The following CEP192 variants were observed in gnomAD, a reference collection of about 807,000 sequenced individuals.
The protein encoded by CEP192 is centrosomal protein 192, also known as centrosomal protein of 192 kDa.
Under a neutral mutation model 271.8 loss-of-function variants are expected in CEP192, and 151 were observed. The ratio of observed to expected loss-of-function variants is 0.56; its 90% CI spans 0.49 to 0.64. The LOEUF is 0.64. CEP192 is among the 30% of genes least tolerant of loss of function. The probability of loss-of-function intolerance (pLI) is 0.00; values close to 1 mark genes in which losing one functional copy is unlikely to be tolerated. For missense variants in CEP192, 2,910 were observed against 3,020.5 expected (o/e 0.96, Z 0.86); for synonymous variants, 995 against 1,076.5 (o/e 0.92, Z 1.48).
At chr18:13,084,785 C>T (rs1054781884) in intron 30 of CEP192, among the ~76,000 whole-genome samples, 8 of 151,944 alleles carry the variant, frequency 5.3e-5, no homozygotes, top group African/African-American at 4.8e-5. Flanking sequence ...GCCATTCTCA[C>T]GCATGAGATG....
intron 30 of CEP192, among the ~76,000 whole-genome samples, chr18:13,080,814 C>A (rs1461207543): frequency 6.6e-6 from 1 of 152,150 alleles, no homozygotes; most frequent in Non-Finnish European, 1.5e-5. Flanking sequence ...TATATTCCAT[C>A]AATACCTAGT....
intron 11 of CEP192, among the ~76,000 whole-genome samples, chr18:13,035,465 T>G (rs2035867576): frequency 6.6e-6 from 1 of 152,090 alleles, no homozygotes; most frequent in African/African-American, 2.4e-5. Flanking sequence ...GATAAACCCA[T>G]CAGATCTCGT....
chr18:13,000,273 A>G (rs2033559783), intron 2 of CEP192: 1 of 151,716 alleles, frequency 6.6e-6, no homozygotes. Flanking sequence ...GCTCTTTTTT[A>G]ATACACTGGT....
At chr18:12,994,490 A>ATAGTT (rs2033089586) in intron 1 of CEP192, among the ~76,000 whole-genome samples, 2 of 152,104 alleles carry the variant, frequency 1.3e-5, no homozygotes. Flanking sequence ...CACTTGATTC[A>ATAGTT]TAGTTAATGG....
intron 40 of CEP192, among the ~76,000 whole-genome samples, chr18:13,110,363 A>G (rs1264418221): frequency 6.6e-6 from 1 of 152,192 alleles, no homozygotes; most frequent in Non-Finnish European, 1.5e-5. Context: ...TGTGGTATTG[A>G]CAGTTCCACA....
chr18:13,074,343 C>T (rs373952848), intron 30 of CEP192, among the ~76,000 whole-genome samples: 3 of 152,156 alleles, frequency 2.0e-5, no homozygotes, highest in South Asian at 4.1e-4. Context: ...TAAAAACTGG[C>T]GTCCTTCCAT....
intron 1 of CEP192, among the ~76,000 whole-genome samples, chr18:12,999,199 A>G (rs939711318): frequency 3.3e-5 from 5 of 152,204 alleles, no homozygotes; most frequent in Non-Finnish European, 7.3e-5. Context: ...TGTTAATTAT[A>G]AGAAGGTAAG....
intron 21 of CEP192, among the ~76,000 whole-genome samples, chr18:13,063,601 T>A (rs2037525127): frequency 1.3e-5 from 2 of 152,318 alleles, no homozygotes; most frequent in East Asian, 3.9e-4. Context: ...GAGCCCCTTA[T>A]ATATTCTGGT....
intron 38 of CEP192, 83 bp downstream of exon 38, chr18:13,100,595 TA>T: frequency 7.3e-6 from 8 of 1,103,448 alleles, no homozygotes. Flanking sequence ...AAGTTGGTGA[TA>T]AATATAAATT....
chr18:13,099,045 C>T (rs1186426938), intron 36 of CEP192, among the ~76,000 whole-genome samples: 2 of 152,090 alleles, frequency 1.3e-5, no homozygotes. Context: ...TCAGGCGTGG[C>T]AGCGCGCGCC....
intron 21 of CEP192, among the ~76,000 whole-genome samples, chr18:13,066,634 G>A (rs778357875): frequency 6.6e-6 from 1 of 152,112 alleles, no homozygotes; most frequent in African/African-American, 2.4e-5. Context: ...AGGCTTTCAT[G>A]TTCTTGCAAA....
chr18:13,016,182 A>G (rs2034635746), intron 6 of CEP192, among the ~76,000 whole-genome samples: 1 of 152,166 alleles, frequency 6.6e-6, no homozygotes, highest in Non-Finnish European at 1.5e-5. Flanking sequence ...GGGGTGAGAA[A>G]TTAACTCTGA....
At chr18:13,041,007 G>C in intron 14 of CEP192, 51 bp downstream of exon 14, 1 of 1,508,616 alleles carries the variant, frequency 6.6e-7, no homozygotes, top group Non-Finnish European at 9.0e-7. Context: ...TCTTAAATGC[G>C]TAACTTAGGG....
chr18:13,057,726 G>T lies in CEP192; in HGVS notation c.4250G>T (p.Gly1417Val). 6.2e-7 allele frequency: 1 copy of T among 1,613,112 alleles called. No individual in the cohort carries two copies. The highest frequency in any genetic ancestry group is 8.5e-7 in the Non-Finnish European group (1 of 1,179,478). ...GGGGTCCTCAGCATTAGTGTTAATG[G>T]TGAAAAGGTAGCTTTCTATGTCTTT... Reference protein sequence around the residue: ...SIGVLSISVNGEKVDLSTYRC... With the variant: ...SIGVLSISVNVEKVDLSTYRC... Residue 1417 changes from glycine (G) to valine (V), a missense_variant, in exon 20 of 45, where the codon GGT (glycine) becomes GTT (valine). By Grantham distance (109) the Gly-to-Val change is moderately radical. Transcript: ENST00000506447.
At chr18:13,047,655 A>G (rs1012083145) in intron 15 of CEP192, among the ~76,000 whole-genome samples, 1 of 152,124 alleles carries the variant, frequency 6.6e-6, no homozygotes, top group Non-Finnish European at 1.5e-5. Context: ...GGTTTGCTTT[A>G]CCTAGTCTGC....
At chr18:13,050,710 G>A (rs2036738864) in intron 17 of CEP192, among the ~76,000 whole-genome samples, 1 of 151,958 alleles carries the variant, frequency 6.6e-6, no homozygotes, top group Non-Finnish European at 1.5e-5. Flanking sequence ...CTCCCGAGTA[G>A]CTGGAACCAC....
At chr18:13,103,648 C>T in intron 39 of CEP192, 60 bp downstream of exon 39, 4 of 1,271,548 alleles carry the variant, frequency 3.1e-6, no homozygotes, top group South Asian at 2.4e-5. Context: ...CCAGGATGTT[C>T]TAAAAACTGA....
At chr18:13,063,382 T>C (rs1488691338) in intron 21 of CEP192, among the ~76,000 whole-genome samples, 1 of 152,220 alleles carries the variant, frequency 6.6e-6, no homozygotes. Context: ...GCATTTGTTA[T>C]TGCCCGTCTT....
At chr18:13,010,470 C>CA (rs1568274686) in intron 4 of CEP192, among the ~76,000 whole-genome samples, 1 of 151,852 alleles carries the variant, frequency 6.6e-6, no homozygotes, top group Non-Finnish European at 1.5e-5. Context: ...TATTATCACT[C>CA]AAATAAGCAA....
Sources: gnomAD v4.1 joint callset for allele counts (sites outside exome capture counted in the v4.1 genomes callset) on GRCh38, gnomAD v4.1.1 for gene constraint, MANE v1.5 for transcripts, NCBI Gene and HGNC (gene_info 2026-07-23, HGNC 2026-07-21) for gene names.